Variants in PARP8 observed in about 807,000 individuals in gnomAD.
PARP8 encodes the protein poly(ADP-ribose) polymerase family member 8, also known as protein mono-ADP-ribosyltransferase PARP8.
PARP8 carries 51 observed loss-of-function variants against 124.1 expected under a neutral mutation model. The ratio of observed to expected loss-of-function variants is 0.41; its 90% CI spans 0.33 to 0.52. The LOEUF (loss-of-function observed/expected upper bound fraction) is 0.52. PARP8 is among the 20% of genes least tolerant of loss of function. PARP8 has a pLI of 0.21. For synonymous variants in PARP8, 391 were observed against 361.5 expected, an observed-to-expected ratio of 1.08 and a Z score of -0.93; for missense variants, 860 against 1,018.9, an observed-to-expected ratio of 0.84 and a Z score of 2.12.
chr5:50,798,389 A>G (rs1742794937), intron 14 of PARP8, among the ~76,000 whole-genome samples: 1 of 149,964 alleles, frequency 6.7e-6, no homozygotes, highest in Non-Finnish European at 1.5e-5. Flanking sequence ...AATTATAGCC[A>G]TGCTAGTATG....
chr5:50,682,697 ATGT>A (rs746215708), intron 2 of PARP8, among the ~76,000 whole-genome samples: 30 of 152,142 alleles, frequency 2.0e-4, no homozygotes, highest in Admixed American at 3.9e-4. Context: ...GGTCATGTAA[ATGT>A]TGTGTCAGAT....
chr5:50,835,330 G>A (rs192323419), intron 25 of PARP8, among the ~76,000 whole-genome samples: 1 of 152,274 alleles, frequency 6.6e-6, no homozygotes, highest in East Asian at 1.9e-4. Context: ...ATCACCTAAG[G>A]TCAGGAGTTT....
In PARP8 at chr5:50,788,601, A is replaced by G. The variant is rs374689390; in HGVS notation, c.737+12A>G. Reference sequence around the variant, plus strand: ...CATCAGCTGAAAAAGTAAGTTTGCTAAAGTGCAAAAAATAAATTTCTGCTA... The same window carrying G: ...CATCAGCTGAAAAAGTAAGTTTGCTGAAGTGCAAAAAATAAATTTCTGCTA... On this transcript the variant is annotated intron_variant, in intron 10 of 25. Coordinates refer to ENST00000281631, the MANE Select transcript of PARP8 (RefSeq NM_024615.4). 2 of 1,603,218 alleles carry G rather than the reference A, an allele frequency of 1.2e-6. No homozygotes were observed. The highest frequency in any genetic ancestry group is 1.3e-5 in the African/African-American group (1 of 74,752).
intron 10 of PARP8, 62 bp from the exon 11 acceptor site, chr5:50,794,145 A>G: frequency 3.3e-6 from 5 of 1,522,328 alleles, no homozygotes; most frequent in African/African-American, 2.8e-5. Flanking sequence ...CATAATAAAT[A>G]CAGTAACATT....
Position 50,687,743 on chromosome 5 carries a change from C to T in PARP8, c.146+19618C>T, listed in dbSNP as rs191296657. ...AGAGGCTTGTGCAGGAAAACTCCCCCGTATAATAACTATCAGATCTCTTGA... is the reference window on the plus strand; with the variant it reads ...AGAGGCTTGTGCAGGAAAACTCCCCTGTATAATAACTATCAGATCTCTTGA... On this transcript the variant is annotated intron_variant, in intron 2 of 25. Transcript: ENST00000281631. Among the ~76,000 whole-genome samples the T allele has an allele frequency of 2.9e-3, 449 of 152,204 alleles. 4 individuals carry two copies. The highest frequency in any genetic ancestry group is 0.01 in the African/African-American group (420 of 41,504).
At chr5:50,709,922 GTATATA>G (rs200521595) in intron 2 of PARP8, among the ~76,000 whole-genome samples, 8,846 of 93,836 alleles carry the variant, frequency 0.094, 493 homozygotes, top group South Asian at 0.19. Context: ...TAGAAAGAGT[GTATATA>G]TATATATATA....
At chr5:50,754,146 T>TATAC (rs1554055377) in intron 3 of PARP8, among the ~76,000 whole-genome samples, 2 of 21,424 alleles carry the variant, frequency 9.3e-5, no homozygotes, top group African/African-American at 2.7e-4. Context: ...TATATATATA[T>TATAC]ATATACACAC....
intron 2 of PARP8, among the ~76,000 whole-genome samples, chr5:50,712,315 C>G (rs1163406442): frequency 6.6e-6 from 1 of 152,026 alleles, no homozygotes; most frequent in Non-Finnish European, 1.5e-5. Context: ...TTCTGTTTCC[C>G]TACAATAAAT....
At position 50,778,721 on chromosome 5, in the gene PARP8, T is replaced by C. The variant is rs1740320665; in HGVS notation, c.670+71T>C. 9.6e-6 allele frequency: 9 copies of C among 941,300 alleles called. No homozygotes were observed. In the East Asian group the frequency reaches 2.3e-4, roughly 24 times the overall value. 58.3% of individuals were successfully genotyped at this position (941,300 alleles called of 1,614,324 possible). ...TGCACTATGCCTTAAGCAAAATGCG[T>C]GTTCATTTGTCAGTTCTGAGCAAAA... On this transcript the variant is annotated intron_variant, in intron 9 of 25. Coordinates refer to ENST00000281631, the MANE Select transcript of PARP8 (RefSeq NM_024615.4).
chr5:50,834,848 A>G (rs1351789178), intron 24 of PARP8, 83 bp from the exon 25 acceptor site: 2 of 1,192,770 alleles, frequency 1.7e-6, no homozygotes, highest in Non-Finnish European at 2.5e-6. Flanking sequence ...TTAGATTTCA[A>G]CGAGAAGAGA....
chr5:50,823,750 T>G (rs1316131614), intron 17 of PARP8, among the ~76,000 whole-genome samples: 1 of 152,234 alleles, frequency 6.6e-6, no homozygotes, highest in Non-Finnish European at 1.5e-5. Context: ...AAAATTGCTT[T>G]CTTTATTCTG....
At chr5:50,757,057 T>G (rs1760041865) in intron 3 of PARP8, 1 of 416,298 alleles carries the variant, frequency 2.4e-6, no homozygotes, top group South Asian at 1.7e-5. Flanking sequence ...GTACCTCCGT[T>G]TCTTTATGCA....
At chr5:50,757,007 T>C (rs1421902143) in intron 3 of PARP8, 6 of 321,382 alleles carry the variant, frequency 1.9e-5, no homozygotes, top group Non-Finnish European at 3.8e-5. Flanking sequence ...AGGATTTCAT[T>C]CTTTTTCAGT....
Position 50,844,621 on chromosome 5 carries a change from A to C in PARP8, c.*2553A>C, listed in dbSNP as rs1474552759. ...TATAATTATTTGAAATCTGTTCACC[A>C]ATGCTTTGTAATGGTTTTATTAATT... On this transcript the variant is annotated 3_prime_UTR_variant, in exon 26 of 26. Coordinates refer to ENST00000281631, the MANE Select transcript of PARP8 (RefSeq NM_024615.4). 2 of 151,736 alleles carry C rather than the reference A, an allele frequency of 1.3e-5. No homozygotes were observed. The highest frequency in any genetic ancestry group is 4.8e-5 in the African/African-American group (2 of 41,382). 9.4% of individuals were successfully genotyped at this position (151,736 alleles called of 1,614,324 possible).
intron 9 of PARP8, among the ~76,000 whole-genome samples, chr5:50,786,390 G>A (rs1015719814): frequency 6.7e-6 from 1 of 149,446 alleles, no homozygotes; most frequent in African/African-American, 2.5e-5. Context: ...TTTCAGATAG[G>A]TTCTTGCTCT....
At chr5:50,770,156 A>G (rs1761458081) in intron 7 of PARP8, among the ~76,000 whole-genome samples, 3 of 152,136 alleles carry the variant, frequency 2.0e-5, no homozygotes, top group African/African-American at 2.4e-5. Flanking sequence ...TCTCCTATCA[A>G]CATGCTATAG....
intron 14 of PARP8, among the ~76,000 whole-genome samples, chr5:50,809,969 G>T (rs1446654627): frequency 6.6e-6 from 1 of 152,040 alleles, no homozygotes; most frequent in East Asian, 1.9e-4. Flanking sequence ...ATACAATTAG[G>T]TTCTAAAATA....
At chr5:50,790,768 T>C (rs1741862290) in intron 10 of PARP8, among the ~76,000 whole-genome samples, 1 of 152,174 alleles carries the variant, frequency 6.6e-6, no homozygotes, top group Non-Finnish European at 1.5e-5. Flanking sequence ...ATATATAACA[T>C]ATTTAATTAA....
intron 7 of PARP8, among the ~76,000 whole-genome samples, chr5:50,768,703 T>G (rs1313738197): frequency 6.6e-6 from 1 of 152,192 alleles, no homozygotes; most frequent in Non-Finnish European, 1.5e-5. Flanking sequence ...TTTCAAGCAT[T>G]CAACTTGATT....
Sources: allele counts gnomAD v4.1 joint callset (sites outside exome capture counted in the v4.1 genomes callset), GRCh38; gene constraint gnomAD v4.1.1; transcripts MANE v1.5; gene names NCBI Gene and HGNC (gene_info 2026-07-23, HGNC 2026-07-21).